The following PHLDB1 variants were observed in gnomAD, a reference collection of about 807,000 sequenced individuals.
PHLDB1 encodes pleckstrin homology like domain family B member 1, also known as pleckstrin homology-like domain family B member 1.
In PHLDB1, 65 loss-of-function variants were observed where a neutral mutation model predicts 139.3. That is an observed-to-expected ratio of 0.47 (90% confidence interval 0.38 to 0.57). The LOEUF (loss-of-function observed/expected upper bound fraction) is 0.57. Among genes scored for constraint, PHLDB1 ranks in the 20% least tolerant of loss-of-function variants. The pLI is 0.00. For synonymous variants in PHLDB1, 679 were observed against 734.5 expected (o/e 0.92, Z 1.22); for missense variants, 1,624 against 1,839.7 (o/e 0.88, Z 2.14).
At chr11:118,633,468 C>A (rs1201140567) in intron 9 of PHLDB1, 1 of 152,246 alleles carries the variant, frequency 6.6e-6, no homozygotes, top group Non-Finnish European at 1.5e-5. Context: ...CTGGCAGCTT[C>A]CTGCACAGCA....
rs556669899 is a variant in PHLDB1, at chr11:118,639,507, G to T, written c.2736+256G>T. On this transcript the variant is annotated intron_variant, in intron 12 of 22. Coordinates refer to ENST00000600882, the MANE Select transcript of PHLDB1 (RefSeq NM_001144758.3). ...TTTGGTGGCTGAATATATGTGGGGG[G>T]ACTCAGGGGCCTGGGTTGGGTGGGT... is the stretch of plus-strand genomic sequence containing the variant. 7.7e-5 allele frequency: 37 copies of T among 479,662 alleles called. No homozygotes were observed. The East Asian group carries it at 1.1e-3, about 15-fold the overall frequency. 29.7% of individuals were successfully genotyped at this position (479,662 alleles called of 1,614,324 possible).
chr11:118,648,281 G>A (rs948341469), intron 18 of PHLDB1, among the ~76,000 whole-genome samples: 11 of 76,352 alleles, frequency 1.4e-4, no homozygotes, highest in African/African-American at 4.7e-4. Flanking sequence ...GTGTGTGTGT[G>A]TGTGTGTGTG....
chr11:118,626,544 C>T (rs533658698), intron 5 of PHLDB1, among the ~76,000 whole-genome samples: 44 of 152,162 alleles, frequency 2.9e-4, no homozygotes, highest in Non-Finnish European at 4.3e-4. Context: ...CCACCACACC[C>T]GGCTAATTTT....
intron 13 of PHLDB1, 78 bp downstream of exon 13, chr11:118,642,472 A>G (rs1946740243): frequency 1.3e-6 from 2 of 1,484,190 alleles, no homozygotes; most frequent in East Asian, 4.5e-5. Flanking sequence ...TCCATCAGCC[A>G]CACAGTACCA....
chr11:118,644,619 A>G, intron 15 of PHLDB1: 3 of 1,279,328 alleles, frequency 2.3e-6, no homozygotes, highest in Non-Finnish European at 3.1e-6. Context: ...TCTCTACCGT[A>G]CCCTCTGCCT....
chr11:118,630,551 G>T (rs1944630834), intron 6 of PHLDB1, among the ~76,000 whole-genome samples: 1 of 152,162 alleles, frequency 6.6e-6, no homozygotes, highest in Admixed American at 6.5e-5. Context: ...GGGCTCATGG[G>T]TCTGTTTTCC....
chr11:118,635,276 T>A, intron 9 of PHLDB1, 117 bp from the exon 10 acceptor site: 1 of 1,235,342 alleles, frequency 8.1e-7, no homozygotes, highest in Non-Finnish European at 1.1e-6. Context: ...GAGGCAGGTT[T>A]CTTACCCAAT....
At chr11:118,649,665 CTG>C (rs1467987590) in intron 18 of PHLDB1, among the ~76,000 whole-genome samples, 2 of 152,122 alleles carry the variant, frequency 1.3e-5, no homozygotes, top group Non-Finnish European at 2.9e-5. Flanking sequence ...TGGAAGGAAA[CTG>C]AGGCCCAGAG....
At chr11:118,642,485 T>A in intron 13 of PHLDB1, 91 bp downstream of exon 13, 2 of 1,414,832 alleles carry the variant, frequency 1.4e-6, no homozygotes, top group Non-Finnish European at 1.9e-6. Context: ...CAGTACCACC[T>A]TGAGTGGAGG....
Position 118,620,753 on chromosome 11 carries a change from G to A in PHLDB1, c.356-4181G>A, listed in dbSNP as rs546033528. Among the ~76,000 whole-genome samples, 2 of 152,160 alleles carry A rather than the reference G, an allele frequency of 1.3e-5. No homozygotes were observed. Among genetic ancestry groups the A allele is most frequent in the Non-Finnish European group, 2.9e-5 (2 of 68,020 alleles). On this transcript the variant is annotated intron_variant, in intron 4 of 22. Coordinates refer to ENST00000600882, the MANE Select transcript of PHLDB1 (RefSeq NM_001144758.3). This position sits in a 1 kb window ranked among gnomAD's most constrained non-coding sequence, Gnocchi z 4.1. Reference sequence around the variant, plus strand: ...TGAGCTATGGGGAGTGGGGCCGGAAGAGGAGGTGTTTAGGGTGGAGACAGG... The same window carrying A: ...TGAGCTATGGGGAGTGGGGCCGGAAAAGGAGGTGTTTAGGGTGGAGACAGG...
At chr11:118,631,842 G>A (rs1437764140) in intron 7 of PHLDB1, 71 bp from the exon 8 acceptor site, 2 of 1,497,654 alleles carry the variant, frequency 1.3e-6, no homozygotes, top group Non-Finnish European at 1.8e-6. Flanking sequence ...GGAGGAACAG[G>A]TGATCCATTT....
Position 118,655,758 on chromosome 11 carries a change from C to T in PHLDB1, c.3960+68C>T, listed in dbSNP as rs553972046. ...ATGGGGAAGGGGTGGCCTGGTGGGG[C>T]TCTGGGAGCAAAGGCCTCCAGCCTG... On this transcript the variant is annotated intron_variant, in intron 21 of 22. Transcript: ENST00000600882. The T allele has an allele frequency of 4.0e-6, 6 of 1,495,490 alleles. No individual in the cohort carries two copies. The East Asian group carries it at 6.8e-5, about 17-fold the overall frequency. 92.6% of individuals were successfully genotyped at this position (1,495,490 alleles called of 1,614,324 possible).
chr11:118,610,091 C>T lies in PHLDB1; in HGVS notation c.-22+2392C>T, dbSNP rs1939871195. On this transcript the variant is annotated intron_variant, in intron 1 of 22. Transcript: ENST00000600882. This position sits in a 1 kb window ranked among gnomAD's most constrained non-coding sequence, Gnocchi z 8.7. ...GTCTGTCGTCGCCTCCACTTGAGGA[C>T]CCGCCTGTCCTTTCTTCCCCCGACC... is the stretch of plus-strand genomic sequence containing the variant. Among the ~76,000 whole-genome samples the T allele has an allele frequency of 6.6e-6, 1 of 151,868 alleles. No individual in the cohort carries two copies. Among genetic ancestry groups the T allele is most frequent in the South Asian group, 2.1e-4 (1 of 4,806 alleles).
At chr11:118,639,118 C>T (rs782383166) in intron 11 of PHLDB1, 44 bp from the exon 12 acceptor site, 4 of 1,594,256 alleles carry the variant, frequency 2.5e-6, no homozygotes, top group Non-Finnish European at 3.4e-6. Flanking sequence ...CACACAGTCT[C>T]CTGGCTCCCA....
At chr11:118,631,876 C>A (rs892193104) in intron 7 of PHLDB1, 37 bp from the exon 8 acceptor site, 1 of 1,576,590 alleles carries the variant, frequency 6.3e-7, no homozygotes, top group Admixed American at 1.9e-5. Flanking sequence ...CCAAAAGGCT[C>A]TAGGCTTCCT....
At chr11:118,629,469 C>T (rs1163525849) in intron 6 of PHLDB1, among the ~76,000 whole-genome samples, 2 of 152,188 alleles carry the variant, frequency 1.3e-5, no homozygotes, top group African/African-American at 4.8e-5. Context: ...AGCCCATGTA[C>T]AGAAGAATGG....
rs1442368739 is a variant in PHLDB1, at chr11:118,650,386, C to T, written c.3772-59C>T. 2.5e-6 allele frequency: 3 copies of T among 1,212,180 alleles called. No homozygotes were observed. Among genetic ancestry groups the T allele is most frequent in the African/African-American group, 3.0e-5 (2 of 67,230 alleles). The allele number at this position is 1,212,180 out of a possible 1,614,324, so 75.1% of individuals were successfully genotyped here. A position where few individuals can be genotyped will look rare whatever the true frequency, so the allele number is the denominator to read the frequency against. On this transcript the variant is annotated intron_variant, in intron 19 of 22. Transcript: ENST00000600882. The surrounding 1 kb of genome is among the most constrained non-coding windows in gnomAD (Gnocchi z 4.7). Reference sequence around the variant, plus strand: ...ATGAATACAGGCACAGGCGATGGCACACACTTAAGGCTTAAGGGCTGCATA... The same window carrying T: ...ATGAATACAGGCACAGGCGATGGCATACACTTAAGGCTTAAGGGCTGCATA...
rs781803750 is a variant in PHLDB1 at position 118,645,821 on chromosome 11, C to T, written c.3503C>T (p.Ser1168Leu). 15 of 1,604,270 alleles carry T rather than the reference C, an allele frequency of 9.4e-6. No individual in the cohort carries two copies. Among genetic ancestry groups the T allele is most frequent in the Admixed American group, 3.3e-5 (2 of 59,984 alleles). ...AHAEKNRLMESREREMELRRQ... is the reference protein window; with the variant it reads ...AHAEKNRLMELREREMELRRQ... Reference sequence around the variant, plus strand: ...GCAGAGAAGAACCGGCTCATGGAGTCGAGGGTGAGTCTGACCTGGATCGGG... The same window carrying T: ...GCAGAGAAGAACCGGCTCATGGAGTTGAGGGTGAGTCTGACCTGGATCGGG... The change falls in exon 17 of 23, where the codon TCG (serine) becomes TTG (leucine). Residue 1168 changes from serine (S) to leucine (L), a missense_variant. Ser to Leu is a moderately radical substitution (Grantham distance 145). Transcript: ENST00000600882. The surrounding 1 kb of genome is among the most constrained non-coding windows in gnomAD (Gnocchi z 5.1).
Position 118,645,960 on chromosome 11 carries a change from T to C in PHLDB1, c.3507+135T>C, listed in dbSNP as rs1324455458. ...CCACATTCCCTTGGGGTAGAAAATGTTTTAAAAGGTTGTATTCTGGCCGGG... is the reference window on the plus strand; with the variant it reads ...CCACATTCCCTTGGGGTAGAAAATGCTTTAAAAGGTTGTATTCTGGCCGGG... On this transcript the variant is annotated intron_variant, in intron 17 of 22. Coordinates refer to ENST00000600882, the MANE Select transcript of PHLDB1 (RefSeq NM_001144758.3). This position sits in a 1 kb window ranked among gnomAD's most constrained non-coding sequence, Gnocchi z 5.1. The C allele has an allele frequency of 1.3e-5, 9 of 698,796 alleles. No homozygotes were observed. The Admixed American group carries it at 1.5e-4, about 11-fold the overall frequency. 43.3% of individuals were successfully genotyped at this position (698,796 alleles called of 1,614,324 possible).
Sources: gnomAD v4.1 joint callset for allele counts (sites outside exome capture counted in the v4.1 genomes callset) on GRCh38, gnomAD v4.1.1 for gene constraint, Gnocchi (gnomAD v3.1) non-coding constraint, MANE v1.5 for transcripts, NCBI Gene and HGNC (gene_info 2026-07-23, HGNC 2026-07-21) for gene names.